The following MOCS1 variants were observed in gnomAD, a reference collection of about 807,000 sequenced individuals.
The protein encoded by MOCS1 is molybdenum cofactor synthesis 1, also known as molybdenum cofactor biosynthesis protein 1.
Under a neutral mutation model 57.6 loss-of-function variants are expected in MOCS1, and 39 were observed. The observed-to-expected ratio is 0.68, with a 90% CI of 0.52 to 0.88. MOCS1 has a LOEUF of 0.88. Ranked by LOEUF, MOCS1 falls within the 40% of genes least tolerant of loss-of-function variation. The pLI, the probability that MOCS1 is intolerant of heterozygous loss-of-function variation, is 0.00. For synonymous variants in MOCS1, 334 were observed against 335.7 expected (o/e 1.00, Z 0.05); for missense variants, 795 against 831.1 (o/e 0.96, Z 0.53).
intron 3 of MOCS1, 88 bp downstream of exon 3, chr6:39,925,590 T>C (rs542448270): frequency 3.4e-6 from 5 of 1,475,478 alleles, no homozygotes; most frequent in East Asian, 2.3e-5. Context: ...GCTAAATGAA[T>C]GTCAGCTGCC....
At chr6:39,930,949 C>G (rs1169511610) in intron 1 of MOCS1, among the ~76,000 whole-genome samples, 2 of 152,216 alleles carry the variant, frequency 1.3e-5, no homozygotes, top group African/African-American at 4.8e-5. Context: ...GGTTTTCATT[C>G]AGTGATCCAT....
intron 1 of MOCS1, among the ~76,000 whole-genome samples, chr6:39,933,777 T>C (rs1386214619): frequency 6.6e-6 from 1 of 151,892 alleles, no homozygotes; most frequent in East Asian, 1.9e-4. Context: ...CCAAGGTTAA[T>C]AAAAAAGACA....
In MOCS1 at chr6:39,906,516, C is replaced by A. The variant is rs77225343; in HGVS notation, c.1752G>T (p.Arg584=). 16 of 1,613,870 alleles carry A rather than the reference C, an allele frequency of 9.9e-6. No homozygotes were observed. The highest frequency in any genetic ancestry group is 1.2e-5 in the Non-Finnish European group (14 of 1,180,046). ...AVKIQASCRA[R]GPTGVEMEAL... The stretch of plus-strand genomic sequence containing the variant: ...CCTCCATCTCCACCCCGGTGGGGCC[C>A]CGAGCCCGGCAAGATGCCTGGATCT... The change falls in exon 11 of 11, where the codon CGG becomes CGT. Residue 584 remains arginine (R), a synonymous_variant. Coordinates refer to ENST00000340692, the MANE Select transcript of MOCS1 (RefSeq NM_001358530.2).
chr6:39,920,960 A>G (rs1767931249), intron 3 of MOCS1, among the ~76,000 whole-genome samples: 1 of 146,828 alleles, frequency 6.8e-6, no homozygotes, highest in African/African-American at 2.5e-5. Context: ...CGGGCAACAG[A>G]GCTAGATCCG....
At position 39,906,433 on chromosome 6, in the gene MOCS1, C is replaced by T; in HGVS notation, c.1835G>A (p.Ser612Asn). The change falls in exon 11 of 11, where the codon AGC becomes AAC. Residue 612 changes from serine (S) to asparagine (N), a missense_variant. Physicochemically the swap from Ser to Asn is conservative, Grantham distance 46. Coordinates refer to ENST00000340692, the MANE Select transcript of MOCS1 (RefSeq NM_001358530.2). ...GATCTCCTCCAACACGATGTCCCTG[C>T]TGACAGCCTTGCACATGTCATACAG... ...LTLYDMCKAV[S>N]RDIVLEEIKL... is the part of the protein sequence containing the mutation. 1.2e-6 allele frequency: 2 copies of T among 1,606,872 alleles called. No individual in the cohort carries two copies. Among genetic ancestry groups the T allele is most frequent in the Non-Finnish European group, 1.7e-6 (2 of 1,174,052 alleles).
chr6:39,934,450 T>G lies in MOCS1; in HGVS notation c.-33A>C, dbSNP rs1768811891. The G allele has an allele frequency of 1.3e-6, 2 of 1,554,142 alleles. No individual in the cohort carries two copies. Among genetic ancestry groups the G allele is most frequent in the Middle Eastern group, 2.2e-4 (1 of 4,624 alleles). On this transcript the variant is annotated 5_prime_UTR_variant, in exon 1 of 11. Transcript: ENST00000340692. Reference sequence around the variant, plus strand: ...GATACGAGCGGAACCGCAGCCCGCTTCGGGAGCACACTGGCCGGGCACTCG... The same window carrying G: ...GATACGAGCGGAACCGCAGCCCGCTGCGGGAGCACACTGGCCGGGCACTCG...
chr6:39,917,748 T>G (rs1767742998), intron 3 of MOCS1, among the ~76,000 whole-genome samples: 1 of 152,236 alleles, frequency 6.6e-6, no homozygotes, highest in South Asian at 2.1e-4. Flanking sequence ...GGGAATATCC[T>G]TATTGGGATA....
intron 10 of MOCS1, among the ~76,000 whole-genome samples, chr6:39,907,896 T>C (rs73732318): frequency 0.018 from 2,810 of 152,330 alleles, 92 homozygotes; most frequent in African/African-American, 0.063. Context: ...CTTGGTTGTA[T>C]AGAAAGCAGA....
In MOCS1 at chr6:39,907,114, A is replaced by G; in HGVS notation, c.1154T>C (p.Leu385Ser). Residue 385 changes from leucine (L) to serine (S), a missense_variant, in exon 11 of 11, where the codon TTA becomes TCA. Leu to Ser is a moderately radical substitution (Grantham distance 145, BLOSUM62 -2). This residue lies in a region of MOCS1 where 374 missense variants were observed against 422.6 expected (regional missense o/e 0.89). Transcript: ENST00000340692. ...TGGGGAATTGGGGAACATCAAAAATAACTCTGCAAGGCAAGAAGAAAAGAG... is the reference window on the plus strand; with the variant it reads ...TGGGGAATTGGGGAACATCAAAAATGACTCTGCAAGGCAAGAAGAAAAGAG... ...MKNRPMILIELFLMFPNSPPA... is the reference protein window; with the variant it reads ...MKNRPMILIESFLMFPNSPPA... 1 of 1,610,468 alleles carries G rather than the reference A, an allele frequency of 6.2e-7. No homozygotes were observed. Among genetic ancestry groups the G allele is most frequent in the Non-Finnish European group, 8.5e-7 (1 of 1,178,684 alleles).
chr6:39,924,997 T>C (rs1490066092), intron 3 of MOCS1, among the ~76,000 whole-genome samples: 1 of 152,152 alleles, frequency 6.6e-6, no homozygotes, highest in Non-Finnish European at 1.5e-5. Context: ...GGAGAGTCAC[T>C]TGAACCTGGG....
At chr6:39,928,825 TGAA>T (rs1165188459) in intron 1 of MOCS1, among the ~76,000 whole-genome samples, 2 of 152,136 alleles carry the variant, frequency 1.3e-5, no homozygotes, top group Non-Finnish European at 2.9e-5. Flanking sequence ...AAAATTATGA[TGAA>T]GAACAGAAGG....
rs1248247549 is a variant in MOCS1, at chr6:39,909,958, A to G, written c.982-3T>C. The G allele has an allele frequency of 1.9e-6, 3 of 1,613,210 alleles. No individual in the cohort carries two copies. Among genetic ancestry groups the G allele is most frequent in the Non-Finnish European group, 2.5e-6 (3 of 1,179,978 alleles). On this transcript the variant is annotated splice_region_variant and splice_polypyrimidine_tract_variant and intron_variant, in intron 8 of 10. Transcript: ENST00000340692. ...TCAGAGTTTCCAAAGAGGCAGACCT[A>G]CATGTGGGTGAGGACAATATGCCTT...
rs1768791206 is a variant in MOCS1, at chr6:39,934,233, G to A, written c.123+62C>T. On this transcript the variant is annotated intron_variant, in intron 1 of 10. Coordinates refer to ENST00000340692, the MANE Select transcript of MOCS1 (RefSeq NM_001358530.2). ...TAGGCCGGGAGCTACTGGGGGAAAA[G>A]GGCAGTGTGCCGGGGCCACTCCTGC... The A allele has an allele frequency of 2.7e-6, 4 of 1,472,516 alleles. No individual in the cohort carries two copies. The South Asian group carries it at 5.5e-5, about 20-fold the overall frequency. 91.2% of individuals were successfully genotyped at this position (1,472,516 alleles called of 1,614,324 possible).
rs1258286060 is a variant in MOCS1, at chr6:39,905,610, A to C, written c.*747T>G. 1 of 471,218 alleles carries C rather than the reference A, an allele frequency of 2.1e-6. No individual in the cohort carries two copies. The highest frequency in any genetic ancestry group is 4.4e-6 in the Non-Finnish European group (1 of 227,068). 29.2% of individuals were successfully genotyped at this position (471,218 alleles called of 1,614,324 possible). On this transcript the variant is annotated 3_prime_UTR_variant, in exon 11 of 11. Transcript: ENST00000340692. ...TTTTCTTTCCCTGATATGCTCCAGA[A>C]TAAAGAGGGGTGGGTGGAACAGCCG...
Position 39,904,899 on chromosome 6 carries a change from A to G in MOCS1, c.*1458T>C, listed in dbSNP as rs1766745530. ...GCCTTTAAACTTGTGCCTTCTTCCTATGAGGGGATCTGGGGTGGGCTGAGA... is the reference window on the plus strand; with the variant it reads ...GCCTTTAAACTTGTGCCTTCTTCCTGTGAGGGGATCTGGGGTGGGCTGAGA... On this transcript the variant is annotated 3_prime_UTR_variant, in exon 11 of 11. Coordinates refer to ENST00000340692, the MANE Select transcript of MOCS1 (RefSeq NM_001358530.2). 2.2e-6 allele frequency: 1 copy of G among 453,978 alleles called. No individual in the cohort carries two copies. The highest frequency in any genetic ancestry group is 2.3e-5 in the Admixed American group (1 of 42,560). The allele number at this position is 453,978 out of a possible 1,614,324, so 28.1% of individuals were successfully genotyped here.
intron 8 of MOCS1, among the ~76,000 whole-genome samples, chr6:39,911,594 A>G (rs1055405357): frequency 6.6e-6 from 1 of 152,100 alleles, no homozygotes; most frequent in African/African-American, 2.4e-5. Context: ...GCCCCCTACA[A>G]TGTAGTCTTC....
intron 3 of MOCS1, among the ~76,000 whole-genome samples, chr6:39,922,407 T>G (rs1239480613): frequency 6.6e-6 from 1 of 152,194 alleles, no homozygotes. Flanking sequence ...ACATTAGATT[T>G]TTTGGTAAAT....
rs1768263750 is a variant in MOCS1 at position 39,925,860 on chromosome 6, A to C, written c.251-15T>G. ...GCAGTACTGACCTGAGGGAAGGATG[A>C]ATGGGAATGTGGAGGGAGGAAAGAG... On this transcript the variant is annotated splice_polypyrimidine_tract_variant and intron_variant, in intron 2 of 10. Transcript: ENST00000340692. 1 of 1,603,316 alleles carries C rather than the reference A, an allele frequency of 6.2e-7. No individual in the cohort carries two copies. Among genetic ancestry groups the C allele is most frequent in the Admixed American group, 1.7e-5 (1 of 59,670 alleles).
rs531099892 is a variant in MOCS1 at position 39,907,766 on chromosome 6, C to T, written c.1151-649G>A. On this transcript the variant is annotated intron_variant, in intron 10 of 10. Transcript: ENST00000340692. ...AGCAGCACCAGCAGCACCAGCACCA[C>T]CTGAGAACTCACAAGAGATGCAGAA... 2.6e-5 allele frequency among the ~76,000 whole-genome samples: 4 copies of T among 152,276 alleles called. No homozygotes were observed. The East Asian group carries it at 7.7e-4, about 29-fold the overall frequency.
Sources: gnomAD v4.1 joint callset for allele counts (sites outside exome capture counted in the v4.1 genomes callset) on GRCh38, gnomAD v4.1.1 for gene constraint, gnomAD v4.1.1 regional missense constraint, MANE v1.5 for transcripts, NCBI Gene and HGNC (gene_info 2026-07-23, HGNC 2026-07-21) for gene names.